Variants in ASTN2 observed in about 807,000 individuals in gnomAD.
The protein encoded by ASTN2 is astrotactin-2.
ASTN2 carries 54 observed loss-of-function variants against 139.8 expected under a neutral mutation model. The observed-to-expected ratio is 0.39, with a 90% CI of 0.31 to 0.48. The LOEUF is 0.48. Ranked by LOEUF, ASTN2 falls within the 20% of genes least tolerant of loss-of-function variation. ASTN2 has a pLI of 0.95. For synonymous variants in ASTN2, 756 were observed against 719.5 expected (o/e 1.05, Z -0.81); for missense variants, 1,565 against 1,725.1 (o/e 0.91, Z 1.64).
chr9:117,290,382 T>C (rs541790230), intron 2 of ASTN2, among the ~76,000 whole-genome samples: 1 of 152,372 alleles, frequency 6.6e-6, no homozygotes, highest in African/African-American at 2.4e-5. Context: ...AATATAGCTT[T>C]TTAAAGAAAG....
chr9:117,290,579 C>T (rs745544690), intron 2 of ASTN2, among the ~76,000 whole-genome samples: 1 of 152,130 alleles, frequency 6.6e-6, no homozygotes, highest in Non-Finnish European at 1.5e-5. Flanking sequence ...GGCAAGAGCA[C>T]AATGAGATAA....
intron 16 of ASTN2, among the ~76,000 whole-genome samples, chr9:116,722,365 A>G (rs948627452): frequency 1.3e-5 from 2 of 152,242 alleles, no homozygotes; most frequent in Non-Finnish European, 2.9e-5. Context: ...TAGGGGAATG[A>G]GAGTAAAGTA....
At chr9:116,490,935 T>C (rs1004426455) in intron 19 of ASTN2, among the ~76,000 whole-genome samples, 6 of 152,218 alleles carry the variant, frequency 3.9e-5, no homozygotes, top group Non-Finnish European at 7.3e-5. Context: ...AGATGGCTGA[T>C]ATTCATTTTC....
intron 1 of ASTN2, among the ~76,000 whole-genome samples, chr9:117,380,043 G>A (rs1379897557): frequency 6.6e-6 from 1 of 152,172 alleles, no homozygotes; most frequent in Non-Finnish European, 1.5e-5. Context: ...AGGTTTTAGA[G>A]AACGAGAAAC....
intron 1 of ASTN2, among the ~76,000 whole-genome samples, chr9:117,355,666 T>C (rs1448815520): frequency 6.6e-6 from 1 of 152,180 alleles, no homozygotes; most frequent in Non-Finnish European, 1.5e-5. Context: ...CAGAATGGAC[T>C]CTGATTACAA....
intron 1 of ASTN2, among the ~76,000 whole-genome samples, chr9:117,311,409 C>T (rs570060644): frequency 1.2e-4 from 18 of 152,206 alleles, no homozygotes; most frequent in African/African-American, 3.4e-4. Flanking sequence ...GTTATTCTGG[C>T]TCCTAGGACC....
At chr9:116,995,290 A>G (rs1446131587) in intron 7 of ASTN2, among the ~76,000 whole-genome samples, 3 of 152,238 alleles carry the variant, frequency 2.0e-5, no homozygotes, top group Non-Finnish European at 4.4e-5. Flanking sequence ...GAGAGTACTC[A>G]GGGAAAATCT....
At chr9:117,257,161 T>A (rs970314467) in intron 2 of ASTN2, among the ~76,000 whole-genome samples, 1 of 152,222 alleles carries the variant, frequency 6.6e-6, no homozygotes, top group South Asian at 2.1e-4. Flanking sequence ...TGTTCTATTC[T>A]ATTTCCATTT....
intron 19 of ASTN2, among the ~76,000 whole-genome samples, chr9:116,535,570 G>A (rs544905840): frequency 6.6e-6 from 1 of 152,224 alleles, no homozygotes; most frequent in African/African-American, 2.4e-5. Flanking sequence ...AAATCCCTTA[G>A]CATTTGCTTG....
At chr9:116,675,600 T>C (rs1859454406) in intron 16 of ASTN2, among the ~76,000 whole-genome samples, 1 of 152,180 alleles carries the variant, frequency 6.6e-6, no homozygotes, top group South Asian at 2.1e-4. Context: ...GGGATACTCT[T>C]GGAGTTCTTG....
At chr9:116,783,934 T>G (rs985510846) in intron 13 of ASTN2, among the ~76,000 whole-genome samples, 1 of 152,198 alleles carries the variant, frequency 6.6e-6, no homozygotes, top group Non-Finnish European at 1.5e-5. Flanking sequence ...TCTTGGAAAT[T>G]TATAATAATG....
intron 3 of ASTN2, among the ~76,000 whole-genome samples, chr9:117,187,556 T>A (rs984377686): frequency 6.6e-6 from 1 of 152,092 alleles, no homozygotes; most frequent in African/African-American, 2.4e-5. Flanking sequence ...GACTAATAGA[T>A]TAATGGGTTG....
chr9:117,178,594 G>A (rs1053012399), intron 3 of ASTN2, among the ~76,000 whole-genome samples: 4 of 152,168 alleles, frequency 2.6e-5, no homozygotes, highest in African/African-American at 7.2e-5. Flanking sequence ...ATGGATAAGC[G>A]CTCAGAGGGA....
At chr9:117,123,734 T>C (rs1829617417) in intron 4 of ASTN2, among the ~76,000 whole-genome samples, 1 of 152,114 alleles carries the variant, frequency 6.6e-6, no homozygotes, top group Non-Finnish European at 1.5e-5. Context: ...GAGACTGTAA[T>C]TGGGACTGTA....
chr9:117,073,807 G>A (rs1470286465), intron 5 of ASTN2, among the ~76,000 whole-genome samples: 2 of 152,198 alleles, frequency 1.3e-5, no homozygotes, highest in African/African-American at 4.8e-5. Flanking sequence ...AAGCAGAGAA[G>A]GCAAAAGTGA....
chr9:117,046,267 C>G (rs549158143), intron 5 of ASTN2, among the ~76,000 whole-genome samples: 2 of 152,172 alleles, frequency 1.3e-5, no homozygotes, highest in South Asian at 4.2e-4. Flanking sequence ...TCCCAATGTG[C>G]TAGGATTATA....
chr9:116,942,089 C>T lies in ASTN2; in HGVS notation c.1889+33119G>A, dbSNP rs58409862. On this transcript the variant is annotated intron_variant, in intron 10 of 22. Coordinates refer to ENST00000313400, the MANE Select transcript of ASTN2 (RefSeq NM_001365068.1). ...GCATGCAAGTGCACGTACGCACGCA[C>T]GCACACACACACACACACACACACA... is the stretch of plus-strand genomic sequence containing the variant. 9.8e-3 allele frequency among the ~76,000 whole-genome samples: 1,325 copies of T among 134,914 alleles called. 28 individuals are homozygous for T. Among genetic ancestry groups the T allele is most frequent in the African/African-American group, 0.04 (1,252 of 30,958 alleles). 88.5% of individuals were successfully genotyped at this position (134,914 alleles called of 152,430 possible). A position where few individuals can be genotyped will look rare whatever the true frequency, so the allele number is the denominator to read the frequency against.
At chr9:117,200,124 G>A (rs544888248) in intron 3 of ASTN2, among the ~76,000 whole-genome samples, 14 of 150,866 alleles carry the variant, frequency 9.3e-5, no homozygotes, top group Non-Finnish European at 1.6e-4. Context: ...GTACATGTGC[G>A]CAATGTGCAG....
At chr9:116,891,271 C>T (rs559662195) in intron 10 of ASTN2, among the ~76,000 whole-genome samples, 1 of 152,306 alleles carries the variant, frequency 6.6e-6, no homozygotes, top group East Asian at 1.9e-4. Context: ...AGCTTTCAGG[C>T]TAAAGCAGAA....
Sources: gnomAD v4.1 joint callset for allele counts (sites outside exome capture counted in the v4.1 genomes callset) on GRCh38, gnomAD v4.1.1 for gene constraint, MANE v1.5 for transcripts, NCBI Gene and HGNC (gene_info 2026-07-23, HGNC 2026-07-21) for gene names.